Variants in ST3GAL3 observed in about 807,000 individuals in gnomAD.
ST3GAL3 encodes the protein CMP-N-acetylneuraminate-beta-1,4-galactoside alpha-2,3-sialyltransferase.
A neutral mutation model predicts 50.1 loss-of-function variants in ST3GAL3; 21 were observed. That is an observed-to-expected ratio of 0.42 (90% CI 0.30 to 0.60). The LOEUF (loss-of-function observed/expected upper bound fraction) is 0.60. Among genes scored for constraint, ST3GAL3 ranks in the 20% least tolerant of loss-of-function variants. The probability of loss-of-function intolerance (pLI) is 0.19; values close to 1 mark genes in which losing one functional copy is unlikely to be tolerated. For synonymous variants in ST3GAL3, 183 were observed against 190.0 expected (o/e 0.96, Z 0.30); for missense variants, 353 against 489.4 (o/e 0.72, Z 2.63).
intron 4 of ST3GAL3, among the ~76,000 whole-genome samples, chr1:43,821,483 A>G (rs988840481): frequency 2.6e-5 from 4 of 152,208 alleles, no homozygotes; most frequent in African/African-American, 9.7e-5. Context: ...ACACAGTTTT[A>G]TGCCACATAA....
Position 43,735,522 on chromosome 1 carries a change from G to T in ST3GAL3, c.-30-711G>T, listed in dbSNP as rs150098470. On this transcript the variant is annotated intron_variant, in intron 1 of 11. Coordinates refer to ENST00000347631, the MANE Select transcript of ST3GAL3 (RefSeq NM_006279.5). ...CTGGCAGATAACCAGCCGGGAAACG[G>T]GGGCCTTGTCCCTACAGCTGCACGA... is the stretch of plus-strand genomic sequence containing the variant. 3.8e-3 allele frequency among the ~76,000 whole-genome samples: 586 copies of T among 152,296 alleles called. 5 individuals are homozygous for T. The highest frequency in any genetic ancestry group is 0.013 in the African/African-American group (554 of 41,560).
intron 2 of ST3GAL3, among the ~76,000 whole-genome samples, chr1:43,756,097 T>A (rs1314803912): frequency 1.8e-4 from 2 of 11,352 alleles, no homozygotes; most frequent in African/African-American, 1.4e-3. Context: ...TGAGAACCAG[T>A]CTCAAAAAAA....
At chr1:43,710,563 T>G in intron 1 of ST3GAL3, among the ~76,000 whole-genome samples, 1 of 152,244 alleles carries the variant, frequency 6.6e-6, no homozygotes, top group Admixed American at 6.5e-5. Flanking sequence ...CATTATCTGT[T>G]GCGTTAGGCA....
chr1:43,859,252 C>G (rs541694626), intron 5 of ST3GAL3, among the ~76,000 whole-genome samples: 1 of 152,264 alleles, frequency 6.6e-6, no homozygotes, highest in South Asian at 2.1e-4. Context: ...TTGGGATAGA[C>G]CCATCCTCTC....
intron 5 of ST3GAL3, among the ~76,000 whole-genome samples, chr1:43,855,169 C>G (rs577565005): frequency 1.3e-5 from 2 of 152,198 alleles, no homozygotes; most frequent in African/African-American, 4.8e-5. Context: ...ACACAGATAA[C>G]CCACGCACAT....
intron 1 of ST3GAL3, among the ~76,000 whole-genome samples, chr1:43,735,444 G>A (rs1677984891): frequency 6.6e-6 from 1 of 152,216 alleles, no homozygotes; most frequent in Admixed American, 6.5e-5. Flanking sequence ...GAGAGAGCCT[G>A]AAGGGGACCA....
intron 5 of ST3GAL3, chr1:43,851,022 G>A (rs1316358405): frequency 4.7e-6 from 4 of 843,086 alleles, no homozygotes; most frequent in East Asian, 2.4e-5. Flanking sequence ...AGGGCACCAC[G>A]CCAGCTGCCA....
At chr1:43,777,432 A>G (rs925478514) in intron 2 of ST3GAL3, among the ~76,000 whole-genome samples, 3 of 152,200 alleles carry the variant, frequency 2.0e-5, no homozygotes, top group Non-Finnish European at 4.4e-5. Context: ...AAACAGACAC[A>G]TAGACCAATG....
At chr1:43,900,559 G>A (rs2078127005) in intron 9 of ST3GAL3, among the ~76,000 whole-genome samples, 1 of 152,166 alleles carries the variant, frequency 6.6e-6, no homozygotes, top group African/African-American at 2.4e-5. Flanking sequence ...CCCCAGGGGT[G>A]GGGTACTGCA....
At chr1:43,863,111 A>G (rs1223822586) in intron 5 of ST3GAL3, among the ~76,000 whole-genome samples, 1 of 152,228 alleles carries the variant, frequency 6.6e-6, no homozygotes, top group Non-Finnish European at 1.5e-5. Context: ...AAATGGTTTT[A>G]AAAAACGCAG....
intron 9 of ST3GAL3, among the ~76,000 whole-genome samples, chr1:43,910,527 C>T (rs532855101): frequency 5.9e-5 from 9 of 152,366 alleles, no homozygotes; most frequent in Admixed American, 2.6e-4. Context: ...TCTGCAATGA[C>T]AGTCACCTTC....
rs2077921281 is a variant in ST3GAL3, at chr1:43,899,511, C to T, written c.558-30C>T. 1 of 1,609,464 alleles carries T rather than the reference C, an allele frequency of 6.2e-7. No homozygotes were observed. Among genetic ancestry groups the T allele is most frequent in the Non-Finnish European group, 8.5e-7 (1 of 1,179,936 alleles). On this transcript the variant is annotated intron_variant, in intron 8 of 11. Coordinates refer to ENST00000347631, the MANE Select transcript of ST3GAL3 (RefSeq NM_006279.5). This position sits in a 1 kb window ranked among gnomAD's most constrained non-coding sequence, Gnocchi z 5.4. Reference sequence around the variant, plus strand: ...TCATGGTGCCTTCCCAAACACAGGCCCAGGCTCTGAGTGGGCCTGCTCTCT... The same window carrying T: ...TCATGGTGCCTTCCCAAACACAGGCTCAGGCTCTGAGTGGGCCTGCTCTCT...
Position 43,760,527 on chromosome 1 carries a change from A to G in ST3GAL3, c.118+24147A>G, listed in dbSNP as rs146312090. Among the ~76,000 whole-genome samples, 804 of 152,306 alleles carry G rather than the reference A, an allele frequency of 5.3e-3. 15 individuals carry two copies. Among genetic ancestry groups the G allele is most frequent in the African/African-American group, 0.018 (747 of 41,564 alleles). Reference sequence around the variant, plus strand: ...TCCCAGCACTTTGGGAGGCCAAGGCAGGTGGATCACGAAGTCAGGAGATCG... The same window carrying G: ...TCCCAGCACTTTGGGAGGCCAAGGCGGGTGGATCACGAAGTCAGGAGATCG... On this transcript the variant is annotated intron_variant, in intron 2 of 11. Coordinates refer to ENST00000347631, the MANE Select transcript of ST3GAL3 (RefSeq NM_006279.5).
intron 5 of ST3GAL3, among the ~76,000 whole-genome samples, chr1:43,877,005 A>G (rs1570466467): frequency 6.6e-6 from 1 of 152,138 alleles, no homozygotes; most frequent in African/African-American, 2.4e-5. Flanking sequence ...CTGCGTTTGT[A>G]TGGGGGCTGG....
At chr1:43,778,859 G>A (rs1698332421) in intron 2 of ST3GAL3, among the ~76,000 whole-genome samples, 1 of 152,028 alleles carries the variant, frequency 6.6e-6, no homozygotes, top group African/African-American at 2.4e-5. Context: ...ATGTTAGCCA[G>A]GATGGTCTCG....
intron 3 of ST3GAL3, among the ~76,000 whole-genome samples, chr1:43,793,468 T>A (rs1262425806): frequency 1.3e-5 from 2 of 152,240 alleles, no homozygotes; most frequent in Non-Finnish European, 2.9e-5. Flanking sequence ...ATACTAGATC[T>A]CCTTACAACA....
chr1:43,928,773 G>A (rs758904437), intron 11 of ST3GAL3, among the ~76,000 whole-genome samples: 3 of 151,946 alleles, frequency 2.0e-5, no homozygotes, highest in Admixed American at 6.6e-5. Flanking sequence ...GCTGGGTGTG[G>A]TGGTGCACTC....
chr1:43,908,034 G>C (rs77270226), intron 9 of ST3GAL3, among the ~76,000 whole-genome samples: 7,593 of 152,206 alleles, frequency 0.05, 289 homozygotes, highest in Non-Finnish European at 0.081. Flanking sequence ...CAGCTTGTCA[G>C]CAAGCATCCA....
At chr1:43,816,514 A>G (rs933025379) in intron 4 of ST3GAL3, among the ~76,000 whole-genome samples, 8 of 152,226 alleles carry the variant, frequency 5.3e-5, no homozygotes, top group African/African-American at 1.7e-4. Context: ...CTGGAAAAAA[A>G]CAAATCAAGT....
Sources: allele counts gnomAD v4.1 joint callset (sites outside exome capture counted in the v4.1 genomes callset), GRCh38; gene constraint gnomAD v4.1.1; non-coding constraint Gnocchi (gnomAD v3.1); transcripts MANE v1.5; gene names NCBI Gene and HGNC (gene_info 2026-07-23, HGNC 2026-07-21).